MAF: variants seen among roughly 807,000 people sequenced by gnomAD.
MAF encodes the protein transcription factor Maf.
MAF carries 10 observed loss-of-function variants against 22.0 expected under a neutral mutation model. The ratio of observed to expected loss-of-function variants is 0.45; its 90% CI spans 0.28 to 0.77. The LOEUF (loss-of-function observed/expected upper bound fraction) is 0.77, where lower values mean the gene tolerates loss of function less well. Ranked by LOEUF, MAF falls within the 30% of genes least tolerant of loss-of-function variation. The pLI is 0.12. For missense variants in MAF, 544 were observed against 548.4 expected (o/e 0.99, Z 0.08); for synonymous variants, 337 against 255.8 (o/e 1.32, Z -3.03).
the MAF span, chr16:79,211,825 A>C: frequency 1.9e-6 from 3 of 1,612,876 alleles, no homozygotes; most frequent in Non-Finnish European, 2.5e-6. Context: ...GGGCACACAC[A>C]CCCGCCCTGT....
the MAF span, among the ~76,000 whole-genome samples, chr16:79,217,483 C>A: frequency 3.3e-5 from 5 of 152,190 alleles, no homozygotes; most frequent in Non-Finnish European, 5.9e-5. Flanking sequence ...CATTTTTGTA[C>A]ATGCCATTTA....
the MAF span, among the ~76,000 whole-genome samples, chr16:79,491,937 C>T: frequency 6.6e-6 from 1 of 152,184 alleles, no homozygotes; most frequent in Non-Finnish European, 1.5e-5. Flanking sequence ...CAACAGGTCT[C>T]CTCTCCCACT....
At chr16:79,332,765 G>A in the MAF span, among the ~76,000 whole-genome samples, 2 of 152,168 alleles carry the variant, frequency 1.3e-5, no homozygotes, top group Non-Finnish European at 2.9e-5. Context: ...CGAACAACCA[G>A]CCTACACAAG....
At chr16:79,371,626 C>T in the MAF span, among the ~76,000 whole-genome samples, 1 of 152,178 alleles carries the variant, frequency 6.6e-6, no homozygotes, top group African/African-American at 2.4e-5. Flanking sequence ...ATGCTGTTCC[C>T]TTTGTGTGAA....
the MAF span, among the ~76,000 whole-genome samples, chr16:79,342,988 C>T: frequency 9.9e-5 from 15 of 151,716 alleles, no homozygotes; most frequent in East Asian, 1.9e-4. Flanking sequence ...TTTTCATCAA[C>T]GTTAGAAATA....
At chr16:79,519,770 G>A in the MAF span, among the ~76,000 whole-genome samples, 2,691 of 152,342 alleles carry the variant, frequency 0.018, 35 homozygotes, top group East Asian at 0.051. Context: ...GACGCTGAGC[G>A]TCCTCTGAAC....
chr16:79,594,175 A>C lies in MAF; in HGVS notation c.*285T>G, dbSNP rs1341129151. 54 of 426,330 alleles carry C rather than the reference A, an allele frequency of 1.3e-4. No individual in the cohort carries two copies. The East Asian group carries it at 1.8e-3, about 15-fold the overall frequency. The allele number at this position is 426,330 out of a possible 1,614,324, so 26.4% of individuals were successfully genotyped here. ...TATATGCATATATATGTATCTTTGT[A>C]ATTTCAGTGAATTTTTAAAACTAGT... is the stretch of plus-strand genomic sequence containing the variant. On this transcript the variant is annotated 3_prime_UTR_variant, in exon 2 of 2. Coordinates refer to ENST00000326043, the MANE Select transcript of MAF (RefSeq NM_005360.5).
At chr16:79,353,783 C>T in the MAF span, among the ~76,000 whole-genome samples, 1 of 152,134 alleles carries the variant, frequency 6.6e-6, no homozygotes, top group South Asian at 2.1e-4. Flanking sequence ...GACGATGGTC[C>T]TCACTCCCTG....
the MAF span, among the ~76,000 whole-genome samples, chr16:79,232,118 T>G: frequency 2.0e-5 from 3 of 152,194 alleles, no homozygotes; most frequent in East Asian, 5.8e-4. Flanking sequence ...TTTTGTTCCC[T>G]CACCTGCTAC....
At chr16:79,369,481 C>A in the MAF span, among the ~76,000 whole-genome samples, 1 of 152,192 alleles carries the variant, frequency 6.6e-6, no homozygotes, top group Non-Finnish European at 1.5e-5. Flanking sequence ...ACAGGAGGAT[C>A]CTCTGATTTC....
chr16:79,333,353 A>G, the MAF span, among the ~76,000 whole-genome samples: 1 of 152,228 alleles, frequency 6.6e-6, no homozygotes, highest in Non-Finnish European at 1.5e-5. Context: ...TGCCTGTCAG[A>G]AGTAGTCAGG....
the MAF span, among the ~76,000 whole-genome samples, chr16:79,386,613 T>C: frequency 1.3e-5 from 2 of 152,148 alleles, no homozygotes; most frequent in African/African-American, 4.8e-5. Flanking sequence ...CTCCTGTATA[T>C]AACTATATAC....
At chr16:79,317,733 C>T in the MAF span, among the ~76,000 whole-genome samples, 1 of 152,168 alleles carries the variant, frequency 6.6e-6, no homozygotes, top group Non-Finnish European at 1.5e-5. Flanking sequence ...CCCCACATTC[C>T]TCATGCCTGG....
the MAF span, among the ~76,000 whole-genome samples, chr16:79,560,874 C>A: frequency 6.6e-6 from 1 of 152,156 alleles, no homozygotes; most frequent in African/African-American, 2.4e-5. Flanking sequence ...ATAGGGGGAA[C>A]ACACAGAGCA....
the MAF span, among the ~76,000 whole-genome samples, chr16:79,330,376 T>C: frequency 3.9e-5 from 6 of 152,234 alleles, no homozygotes; most frequent in Middle Eastern, 6.3e-3. Flanking sequence ...CAATTTTCTA[T>C]TTCTAATTTT....
At chr16:79,283,193 GATGGATGA>G in the MAF span, among the ~76,000 whole-genome samples, 7 of 152,174 alleles carry the variant, frequency 4.6e-5, no homozygotes, top group Admixed American at 1.3e-4. Flanking sequence ...TGAATGGATG[GATGGATGA>G]ATGGATGAAT....
chr16:79,438,941 G>C, the MAF span, among the ~76,000 whole-genome samples: 5 of 152,136 alleles, frequency 3.3e-5, no homozygotes, highest in East Asian at 5.8e-4. Flanking sequence ...CATCATGTGA[G>C]AGACTGAGAC....
chr16:79,387,780 A>G, the MAF span, among the ~76,000 whole-genome samples: 1 of 152,222 alleles, frequency 6.6e-6, no homozygotes, highest in African/African-American at 2.4e-5. Flanking sequence ...AGCAACCTAA[A>G]TAACACCATA....
At chr16:79,300,853 T>C in the MAF span, among the ~76,000 whole-genome samples, 2 of 152,096 alleles carry the variant, frequency 1.3e-5, no homozygotes, top group Non-Finnish European at 2.9e-5. Flanking sequence ...TGTATTAATG[T>C]CAATAAAAAT....
Sources: allele counts gnomAD v4.1 joint callset (sites outside exome capture counted in the v4.1 genomes callset), GRCh38; gene constraint gnomAD v4.1.1; transcripts MANE v1.5; gene names NCBI Gene and HGNC (gene_info 2026-07-23, HGNC 2026-07-21).